PSMB10: variants seen among roughly 807,000 people sequenced by gnomAD.
The protein encoded by PSMB10 is proteasome subunit beta type-10.
In PSMB10, 29 loss-of-function variants were observed where a neutral mutation model predicts 29.8. The observed-to-expected ratio is 0.97, with a 90% CI of 0.73 to 1.33. PSMB10 has a LOEUF of 1.33. PSMB10 is among the 40% of genes most tolerant of loss of function. The pLI is 0.00. For missense variants in PSMB10, 327 were observed against 369.2 expected (o/e 0.89, Z 0.94); for synonymous variants, 157 against 164.7 (o/e 0.95, Z 0.36).
At chr16:67,935,799 G>T in intron 4 of PSMB10, 102 bp from the exon 5 acceptor site, 2 of 1,482,544 alleles carry the variant, frequency 1.3e-6, no homozygotes, top group Non-Finnish European at 1.8e-6. Flanking sequence ...GTGGGCTGGC[G>T]CCCGATGACT....
chr16:67,935,098 G>T (rs958322502), intron 6 of PSMB10, 150 bp from the exon 7 acceptor site: 3 of 1,039,186 alleles, frequency 2.9e-6, no homozygotes, highest in Admixed American at 2.7e-5. Flanking sequence ...CACCTCTGAG[G>T]CAACATCACC....
In PSMB10 at chr16:67,935,665, A is replaced by G; in HGVS notation, c.416T>C (p.Val139Ala). The G allele has an allele frequency of 6.2e-7, 1 of 1,614,080 alleles. No homozygotes were observed. Among genetic ancestry groups the G allele is most frequent in the South Asian group, 1.1e-5 (1 of 91,080 alleles). ...YQGHVGASLI[V>A]GGVDLTGPQL... Reference sequence around the variant, plus strand: ...CGGTCCAGTCAGGTCTACGCCGCCCACGATCAGCGATGCACCCACGTGGCC... The same window carrying G: ...CGGTCCAGTCAGGTCTACGCCGCCCGCGATCAGCGATGCACCCACGTGGCC... The change falls in exon 5 of 8, where the codon GTG becomes GCG. Residue 139 changes from valine (V) to alanine (A), a missense_variant. By Grantham distance (64) the Val-to-Ala change is moderately conservative (BLOSUM62 0). Coordinates refer to ENST00000358514, the MANE Select transcript of PSMB10 (RefSeq NM_002801.4).
Position 67,934,842 on chromosome 16 carries a change from G to T in PSMB10, c.665C>A (p.Ala222Asp). ...TGAGCTCAGTGTCCGCAGCAGCTTGGCGCCAGTCTTTGTGATCACACATGC... is the reference window on the plus strand; with the variant it reads ...TGAGCTCAGTGTCCGCAGCAGCTTGTCGCCAGTCTTTGTGATCACACATGC... ...VDACVITKTGAKLLRTLSSPT... is the reference protein window; with the variant it reads ...VDACVITKTGDKLLRTLSSPT... The change falls in exon 7 of 8, where the codon GCC (alanine) becomes GAC (aspartate). Residue 222 changes from alanine (A) to aspartate (D), a missense_variant. By Grantham distance (126) the Ala-to-Asp change is moderately radical. Coordinates refer to ENST00000358514, the MANE Select transcript of PSMB10 (RefSeq NM_002801.4). The surrounding 1 kb of genome is among the most constrained non-coding windows in gnomAD (Gnocchi z 4.3). 1.2e-6 allele frequency: 2 copies of T among 1,614,072 alleles called. No homozygotes were observed. The highest frequency in any genetic ancestry group is 1.7e-6 in the Non-Finnish European group (2 of 1,180,028).
In PSMB10 at chr16:67,934,936, G is replaced by A. The variant is rs766195550; in HGVS notation, c.571C>T (p.Gln191Ter). ...GTGACGGCTTCCACCAGCAGCCCCT[G>A]AGCAGCCTCCAGCTGCGGTGATGGG... ...FQPNMTLEAAQGLLVEAVTAG... is the reference protein window; with the variant it reads ...FQPNMTLEAA Residue 191 changes from glutamine to a stop codon, truncating the protein, a stop_gained, in exon 7 of 8, where the codon CAG becomes TAG. Coordinates refer to ENST00000358514, the MANE Select transcript of PSMB10 (RefSeq NM_002801.4). LOFTEE classifies it high-confidence loss of function. The surrounding 1 kb of genome is among the most constrained non-coding windows in gnomAD (Gnocchi z 4.3). The A allele has an allele frequency of 3.1e-6, 5 of 1,611,776 alleles. No homozygotes were observed. In the Admixed American group the frequency reaches 6.7e-5, roughly 21 times the overall value.
rs201316831 is a variant in PSMB10, at chr16:67,935,417, C to T, written c.558+3G>A. 1.6e-4 allele frequency: 252 copies of T among 1,613,920 alleles called. 1 individual carries two copies. In the Middle Eastern group the frequency reaches 6.8e-3, roughly 43 times the overall value. Reference sequence around the variant, plus strand: ...CACAAAGTCGGGGACAGAGGCCGCTCACCGTCATGTTCGGCTGGAACCGGT... The same window carrying T: ...CACAAAGTCGGGGACAGAGGCCGCTTACCGTCATGTTCGGCTGGAACCGGT... On this transcript the variant is annotated splice_donor_region_variant and intron_variant, in intron 6 of 7. Coordinates refer to ENST00000358514, the MANE Select transcript of PSMB10 (RefSeq NM_002801.4).
chr16:67,936,840 G>T lies in PSMB10; in HGVS notation c.-91C>A. The T allele has an allele frequency of 2.8e-6, 3 of 1,089,556 alleles. No individual in the cohort carries two copies. The highest frequency in any genetic ancestry group is 4.0e-6 in the Non-Finnish European group (3 of 747,996). The allele number at this position is 1,089,556 out of a possible 1,614,324, so 67.5% of individuals were successfully genotyped here. ...GAGCAGCTAAAAAGTCCTCTGCTAG[G>T]CTTCACGTCTGTACTTCCTGCTTTC... On this transcript the variant is annotated 5_prime_UTR_variant, in exon 1 of 8. Coordinates refer to ENST00000358514, the MANE Select transcript of PSMB10 (RefSeq NM_002801.4).
Position 67,936,115 on chromosome 16 carries a change from G to A in PSMB10, c.243-12C>T, listed in dbSNP as rs554004277. ...CAGCCCCACAGCAGCTGAGGCAAAA[G>A]GGAGGATCGGTGTGGGCAGGGCTGG... On this transcript the variant is annotated splice_polypyrimidine_tract_variant and intron_variant, in intron 3 of 7. Coordinates refer to ENST00000358514, the MANE Select transcript of PSMB10 (RefSeq NM_002801.4). 1.2e-6 allele frequency: 2 copies of A among 1,608,480 alleles called. No homozygotes were observed. Among genetic ancestry groups the A allele is most frequent in the Admixed American group, 3.3e-5 (2 of 59,946 alleles).
Position 67,936,312 on chromosome 16 carries a change from C to T in PSMB10, c.145G>A (p.Asp49Asn), listed in dbSNP as rs779497542. Residue 49 changes from aspartate to asparagine, a missense_variant and splice_region_variant, in exon 3 of 8, where the codon GAC (aspartate) becomes AAC (asparagine). By Grantham distance (23) the Asp-to-Asn change is conservative. Coordinates refer to ENST00000358514, the MANE Select transcript of PSMB10 (RefSeq NM_002801.4). The stretch of plus-strand genomic sequence containing the variant: ...GTATCGGCGCCCAGAATGACCCCGT[C>T]CTGAGGAGAGGGAGGGACCGCAGCT... Reference protein sequence around the residue: ...GTTIAGLVFQDGVILGADTRA... With the variant: ...GTTIAGLVFQNGVILGADTRA... 5.0e-6 allele frequency: 8 copies of T among 1,613,146 alleles called. No homozygotes were observed. In the African/African-American group the frequency reaches 9.3e-5, roughly 19 times the overall value.
rs1205269411 is a variant in PSMB10, at chr16:67,934,998, T to C, written c.559-50A>G. ...TAACGGGCTCTCTCTGCTGTTAACT[T>C]AGGCTACAGCCTGGGGACTTGCCTG... is the stretch of plus-strand genomic sequence containing the variant. On this transcript the variant is annotated intron_variant, in intron 6 of 7. Coordinates refer to ENST00000358514, the MANE Select transcript of PSMB10 (RefSeq NM_002801.4). This position sits in a 1 kb window ranked among gnomAD's most constrained non-coding sequence, Gnocchi z 4.3. 6.3e-7 allele frequency: 1 copy of C among 1,588,736 alleles called. No individual in the cohort carries two copies. The highest frequency in any genetic ancestry group is 8.5e-7 in the Non-Finnish European group (1 of 1,172,352).
chr16:67,935,829 G>A lies in PSMB10; in HGVS notation c.384-132C>T, dbSNP rs374418759. ...ATGACTGACATCGCCTTTTCCTGTA[G>A]CCCAGGTTCTCTTGGGCCGGCCTCT... On this transcript the variant is annotated intron_variant, in intron 4 of 7. Transcript: ENST00000358514. 2.9e-5 allele frequency: 43 copies of A among 1,476,722 alleles called. 1 individual carries two copies. The highest frequency in any genetic ancestry group is 1.4e-4 in the East Asian group (6 of 41,890). 91.5% of individuals were successfully genotyped at this position (1,476,722 alleles called of 1,614,324 possible).
intron 4 of PSMB10, 30 bp downstream of exon 4, chr16:67,935,933 G>A (rs765922650): frequency 2.5e-6 from 4 of 1,592,978 alleles, no homozygotes; most frequent in Non-Finnish European, 3.4e-6. Context: ...AACTACCCCT[G>A]CCGGGGTCCT....
Position 67,935,648 on chromosome 16 carries a change from T to C in PSMB10, c.433A>G (p.Thr145Ala). Reference protein sequence around the residue: ...ASLIVGGVDLTGPQLYGVHPH... With the variant: ...ASLIVGGVDLAGPQLYGVHPH... ...TGCACACCGTAGAGCTGCGGTCCAG[T>C]CAGGTCTACGCCGCCCACGATCAGC... The change falls in exon 5 of 8, where the codon ACT (threonine) becomes GCT (alanine). Residue 145 changes from threonine (T) to alanine (A), a missense_variant. Transcript: ENST00000358514. 1 of 1,614,086 alleles carries C rather than the reference T, an allele frequency of 6.2e-7. No homozygotes were observed. Among genetic ancestry groups the C allele is most frequent in the Non-Finnish European group, 8.5e-7 (1 of 1,179,986 alleles).
Position 67,936,214 on chromosome 16 carries a change from C to T in PSMB10, c.242+1G>A, listed in dbSNP as rs2058263172. The stretch of plus-strand genomic sequence containing the variant: ...ACGGGAACTGGGCTCGGGAGTCTCA[C>T]TAGATTTTGGGGGCGATGAAGTGGA... On this transcript the variant is annotated splice_donor_variant, in intron 3 of 7. Coordinates refer to ENST00000358514, the MANE Select transcript of PSMB10 (RefSeq NM_002801.4). LOFTEE classifies it high-confidence loss of function. 6.2e-7 allele frequency: 1 copy of T among 1,614,038 alleles called. No homozygotes were observed. Among genetic ancestry groups the T allele is most frequent in the Non-Finnish European group, 8.5e-7 (1 of 1,179,952 alleles).
intron 1 of PSMB10, 46 bp from the exon 2 acceptor site, chr16:67,936,531 C>A: frequency 6.4e-7 from 1 of 1,553,906 alleles, no homozygotes; most frequent in South Asian, 1.2e-5. Flanking sequence ...GCTTTCAAGA[C>A]CCCTGTTGCT....
intron 1 of PSMB10, 62 bp downstream of exon 1, chr16:67,936,632 A>G: frequency 2.0e-6 from 3 of 1,493,936 alleles, no homozygotes; most frequent in South Asian, 2.5e-5. Flanking sequence ...CCAGCCAGGA[A>G]AAAAGGCCAC....
chr16:67,934,907 G>C lies in PSMB10; in HGVS notation c.600C>G (p.Ala200=). The change falls in exon 7 of 8, where the codon GCC becomes GCG. Residue 200 remains alanine (A), a synonymous_variant. Transcript: ENST00000358514. The surrounding 1 kb of genome is among the most constrained non-coding windows in gnomAD (Gnocchi z 4.3). ...AQGLLVEAVT[A]GILGDLGSGG... is the part of the protein sequence containing the mutation. ...CGGAGCCCAGGTCACCCAAGATCCC[G>C]GCGGTGACGGCTTCCACCAGCAGCC... 1 of 1,613,240 alleles carries C rather than the reference G, an allele frequency of 6.2e-7. No homozygotes were observed. Among genetic ancestry groups the C allele is most frequent in the Non-Finnish European group, 8.5e-7 (1 of 1,180,008 alleles).
Position 67,935,040 on chromosome 16 carries a change from G to A in PSMB10, c.559-92C>T, listed in dbSNP as rs569129581. 7.8e-5 allele frequency: 117 copies of A among 1,495,496 alleles called. No individual in the cohort carries two copies. In the South Asian group the frequency reaches 1.3e-3, roughly 17 times the overall value. 92.6% of individuals were successfully genotyped at this position (1,495,496 alleles called of 1,614,324 possible). ...ACTTGCCTGTCCACTTACCCAATCT[G>A]GTCTTGCCCTCCAAACCCCCACTGT... is the stretch of plus-strand genomic sequence containing the variant. On this transcript the variant is annotated intron_variant, in intron 6 of 7. Coordinates refer to ENST00000358514, the MANE Select transcript of PSMB10 (RefSeq NM_002801.4).
At chr16:67,935,900 C>G in intron 4 of PSMB10, 63 bp downstream of exon 4, 1 of 1,569,630 alleles carries the variant, frequency 6.4e-7, no homozygotes, top group Non-Finnish European at 8.7e-7. Context: ...TTCTGTCCCG[C>G]CTTCCAATGG....
Position 67,936,108 on chromosome 16 carries a change from G to A in PSMB10, c.243-5C>T, listed in dbSNP as rs2058262755. On this transcript the variant is annotated splice_region_variant and splice_polypyrimidine_tract_variant and intron_variant, in intron 3 of 7. Transcript: ENST00000358514. The stretch of plus-strand genomic sequence containing the variant: ...GCTACTCCAGCCCCACAGCAGCTGA[G>A]GCAAAAGGGAGGATCGGTGTGGGCA... The A allele has an allele frequency of 2.5e-6, 4 of 1,608,928 alleles. No individual in the cohort carries two copies. The highest frequency in any genetic ancestry group is 1.7e-6 in the Non-Finnish European group (2 of 1,175,928).
Sources: gnomAD v4.1 joint callset for allele counts on GRCh38, gnomAD v4.1.1 for gene constraint, Gnocchi (gnomAD v3.1) non-coding constraint, MANE v1.5 for transcripts, NCBI Gene and HGNC (gene_info 2026-07-23, HGNC 2026-07-21) for gene names.